The following ATP2B2 variants were observed in gnomAD, a reference collection of about 807,000 sequenced individuals.
The protein encoded by ATP2B2 is ATPase plasma membrane Ca2+ transporting 2, also known as plasma membrane calcium-transporting ATPase 2.
ATP2B2 carries 15 observed loss-of-function variants against 120.0 expected under a neutral mutation model. That is an observed-to-expected ratio of 0.12 (90% confidence interval 0.08 to 0.19). ATP2B2 has a LOEUF of 0.19. Among genes scored for constraint, ATP2B2 ranks in the 10% least tolerant of loss-of-function variants. ATP2B2 has a pLI of 1.00. For missense variants in ATP2B2, 1,045 were observed against 1,719.8 expected (o/e 0.61, Z 6.94); for synonymous variants, 694 against 700.3 (o/e 0.99, Z 0.14).
At chr3:10,331,149 C>G (rs968797916) in intron 22 of ATP2B2, among the ~76,000 whole-genome samples, 1 of 152,206 alleles carries the variant, frequency 6.6e-6, no homozygotes. Flanking sequence ...CAGCCAGACA[C>G]GGCCTTTATG....
intron 1 of ATP2B2, among the ~76,000 whole-genome samples, chr3:10,498,322 C>T (rs961283545): frequency 6.6e-6 from 1 of 152,224 alleles, no homozygotes; most frequent in African/African-American, 2.4e-5. Context: ...GCTACATCAA[C>T]GCTAAGTCAG....
rs972663347 is a variant in ATP2B2, at chr3:10,328,762, C to T, written c.*52G>A. On this transcript the variant is annotated 3_prime_UTR_variant, in exon 23 of 23. Transcript: ENST00000360273. ...CCTGGATGGATGGGTGCCCGGAAAGCGGGTGGCAGCGGGGTCCATGAGGGC... is the reference window on the plus strand; with the variant it reads ...CCTGGATGGATGGGTGCCCGGAAAGTGGGTGGCAGCGGGGTCCATGAGGGC... 183 of 1,537,278 alleles carry T rather than the reference C, an allele frequency of 1.2e-4. No homozygotes were observed. Among genetic ancestry groups the T allele is most frequent in the Non-Finnish European group, 9.7e-5 (110 of 1,134,774 alleles).
In ATP2B2 at chr3:10,673,399, C is replaced by CAG. The variant is rs142070938; in HGVS notation, c.-460+34514_-460+34515dup. Among the ~76,000 whole-genome samples the CAG allele has an allele frequency of 7.4e-3, 1,031 of 139,786 alleles. 7 individuals are homozygous for CAG. Among genetic ancestry groups the CAG allele is most frequent in the African/African-American group, 0.02 (769 of 37,826 alleles). 91.7% of individuals were successfully genotyped at this position (139,786 alleles called of 152,430 possible). On this transcript the variant is annotated intron_variant, in intron 1 of 21. Transcript: ENST00000646379. ...CAATATGTAAAGAAAAAGGAAGAGA[C>CAG]AGAGAGAGAGAGAGAGAGAGGAAGA...
chr3:10,469,269 C>A (rs773496129), intron 1 of ATP2B2, among the ~76,000 whole-genome samples: 2 of 152,220 alleles, frequency 1.3e-5, no homozygotes, highest in Non-Finnish European at 2.9e-5. Context: ...ACTTTTTACA[C>A]GTCATCTCAT....
At chr3:10,516,411 C>T (rs574675862) in intron 3 of ATP2B2, among the ~76,000 whole-genome samples, 22 of 152,346 alleles carry the variant, frequency 1.4e-4, no homozygotes, top group Non-Finnish European at 2.8e-4. Context: ...AACTGTTGGC[C>T]AGCGATCTTC....
chr3:10,345,471 A>G lies in ATP2B2; in HGVS notation c.2616T>C (p.Tyr872=), dbSNP rs372590064. ...ACTGCAAGAATTTGGAGATGCTGTC[A>G]TAGACGTTGCGGCCCCACATCACTG... is the stretch of plus-strand genomic sequence containing the variant. ...VKAVMWGRNV[Y]DSISKFLQFQ... The change falls in exon 18 of 23, where the codon TAT becomes TAC. Residue 872 remains tyrosine, a synonymous_variant. Transcript: ENST00000360273. The G allele has an allele frequency of 4.3e-6, 7 of 1,614,108 alleles. No homozygotes were observed. In the African/African-American group the frequency reaches 8.0e-5, roughly 18 times the overall value.
chr3:10,631,198 A>G (rs1280750114), intron 1 of ATP2B2, among the ~76,000 whole-genome samples: 5 of 152,238 alleles, frequency 3.3e-5, no homozygotes, highest in Non-Finnish European at 7.3e-5. Context: ...AGTGTTTTGT[A>G]CAGGATCTGG....
Position 10,650,161 on chromosome 3 carries a change from G to A in ATP2B2, c.-459-30200C>T, listed in dbSNP as rs149943604. Among the ~76,000 whole-genome samples, 46 of 152,336 alleles carry A rather than the reference G, an allele frequency of 3.0e-4. 1 individual carries two copies. The highest frequency in any genetic ancestry group is 1.1e-3 in the African/African-American group (46 of 41,578). The stretch of plus-strand genomic sequence containing the variant: ...ATGTGGGAAAGTTTGGAACTTCCTA[G>A]AGACTTGTTGAATGGCTTTGACAAA... On this transcript the variant is annotated intron_variant, in intron 1 of 21. Transcript: ENST00000646379.
At chr3:10,659,625 G>C (rs1388614051) in intron 1 of ATP2B2, among the ~76,000 whole-genome samples, 43 of 150,558 alleles carry the variant, frequency 2.9e-4, no homozygotes, top group East Asian at 1.9e-4. Context: ...AAGAGACTTA[G>C]ACTCCCACAC....
chr3:10,502,704 C>T (rs1432729776), intron 1 of ATP2B2, among the ~76,000 whole-genome samples: 1 of 152,242 alleles, frequency 6.6e-6, no homozygotes. Flanking sequence ...TAGGTCAGGG[C>T]CACGCCCGCC....
At chr3:10,704,265 T>C (rs1224079141) in intron 1 of ATP2B2, among the ~76,000 whole-genome samples, 1 of 152,158 alleles carries the variant, frequency 6.6e-6, no homozygotes, top group East Asian at 1.9e-4. Context: ...GCCATGAAAA[T>C]AGATACACAT....
At chr3:10,359,254 C>A (rs188809880) in intron 13 of ATP2B2, among the ~76,000 whole-genome samples, 2 of 152,304 alleles carry the variant, frequency 1.3e-5, no homozygotes, top group Admixed American at 6.5e-5. Flanking sequence ...CTTGGAGGAG[C>A]CTTTAATAAA....
chr3:10,611,417 C>T (rs2069234904), intron 2 of ATP2B2, among the ~76,000 whole-genome samples: 1 of 152,148 alleles, frequency 6.6e-6, no homozygotes, highest in Admixed American at 6.5e-5. Flanking sequence ...AGGGATACAT[C>T]GGTGTCGTCC....
At chr3:10,534,492 C>T (rs2125481447) in intron 2 of ATP2B2, among the ~76,000 whole-genome samples, 1 of 152,344 alleles carries the variant, frequency 6.6e-6, no homozygotes. Flanking sequence ...TCATGAGCAC[C>T]TACTACATTC....
In ATP2B2 at chr3:10,328,131, A is replaced by C. The variant is rs1017578310; in HGVS notation, c.*683T>G. ...TCCATGTATATATATTTATATATATATATATATATCTACCTATCTATATGG... is the reference window on the plus strand; with the variant it reads ...TCCATGTATATATATTTATATATATCTATATATATCTACCTATCTATATGG... On this transcript the variant is annotated 3_prime_UTR_variant, in exon 23 of 23. Coordinates refer to ENST00000360273, the MANE Select transcript of ATP2B2 (RefSeq NM_001001331.4). 9 of 149,648 alleles carry C rather than the reference A, an allele frequency of 6.0e-5. No homozygotes were observed. Among genetic ancestry groups the C allele is most frequent in the Non-Finnish European group, 1.3e-4 (9 of 67,506 alleles). 9.3% of individuals were successfully genotyped at this position (149,648 alleles called of 1,614,324 possible).
intron 2 of ATP2B2, among the ~76,000 whole-genome samples, chr3:10,584,101 C>A (rs140584050): frequency 6.6e-6 from 1 of 152,046 alleles, no homozygotes; most frequent in African/African-American, 2.4e-5. Flanking sequence ...AAGAAACTTG[C>A]GAGGAAGAGA....
Position 10,384,768 on chromosome 3 carries a change from C to T in ATP2B2, c.1000+500G>A, listed in dbSNP as rs775351856. 2.6e-4 allele frequency among the ~76,000 whole-genome samples: 40 copies of T among 152,236 alleles called. 1 individual carries two copies. Among genetic ancestry groups the T allele is most frequent in the Non-Finnish European group, 1.0e-4 (7 of 68,046 alleles). On this transcript the variant is annotated intron_variant, in intron 8 of 22. Transcript: ENST00000360273. ...GAGGAAAAACTGTTTACTGCTGGCTCAGCCATGCTACAGGACAGGGCCAAG... is the reference window on the plus strand; with the variant it reads ...GAGGAAAAACTGTTTACTGCTGGCTTAGCCATGCTACAGGACAGGGCCAAG...
In ATP2B2 at chr3:10,345,840, C is replaced by T. The variant is rs935618581; in HGVS notation, c.2511+191G>A. On this transcript the variant is annotated intron_variant, in intron 17 of 22. Coordinates refer to ENST00000360273, the MANE Select transcript of ATP2B2 (RefSeq NM_001001331.4). ...AGTGCCCCCCTTCACACAGCTCCCC[C>T]AGAGCAAGAAGCATCCTATGCCTTT... Among the ~76,000 whole-genome samples, 11 of 152,204 alleles carry T rather than the reference C, an allele frequency of 7.2e-5. 1 individual carries two copies. Among genetic ancestry groups the T allele is most frequent in the Non-Finnish European group, 4.4e-5 (3 of 68,022 alleles).
rs566737702 is a variant in ATP2B2, at chr3:10,576,303, C to T, written c.-414-42170G>A. Reference sequence around the variant, plus strand: ...TCTCCTGCGGCCTCACTCCACACTCCGAGGCTTCCCTTCTCACTCAGGCTG... The same window carrying T: ...TCTCCTGCGGCCTCACTCCACACTCTGAGGCTTCCCTTCTCACTCAGGCTG... On this transcript the variant is annotated intron_variant, in intron 2 of 21. Transcript: ENST00000646379. Among the ~76,000 whole-genome samples the T allele has an allele frequency of 7.2e-5, 11 of 152,350 alleles. No homozygotes were observed. In the South Asian group the frequency reaches 8.3e-4, roughly 11 times the overall value.
Sources: gnomAD v4.1 joint callset for allele counts (sites outside exome capture counted in the v4.1 genomes callset) on GRCh38, gnomAD v4.1.1 for gene constraint, MANE v1.5 for transcripts, NCBI Gene and HGNC (gene_info 2026-07-23, HGNC 2026-07-21) for gene names.